CCDC191: variants seen among roughly 807,000 people sequenced by gnomAD.
CCDC191 encodes coiled-coil domain containing 191.
Under a neutral mutation model 114.0 loss-of-function variants are expected in CCDC191, and 99 were observed. That is an observed-to-expected ratio of 0.87 (90% confidence interval 0.74 to 1.03). CCDC191 has a LOEUF of 1.03. CCDC191 is among the 50% of genes least tolerant of loss of function. CCDC191 has a pLI of 0.00. For missense variants in CCDC191, 973 were observed against 1,087.0 expected, an observed-to-expected ratio of 0.90 and a Z score of 1.47; for synonymous variants, 351 against 376.0, an observed-to-expected ratio of 0.93 and a Z score of 0.77.
intron 1 of CCDC191, among the ~76,000 whole-genome samples, chr3:114,054,671 A>G (rs558857543): frequency 4.6e-5 from 7 of 152,088 alleles, no homozygotes; most frequent in African/African-American, 1.4e-4. Flanking sequence ...CAACAACAAC[A>G]AAAACTGGGG....
chr3:114,009,307 T>C (rs1477752354), intron 9 of CCDC191, among the ~76,000 whole-genome samples: 1 of 152,174 alleles, frequency 6.6e-6, no homozygotes, highest in African/African-American at 2.4e-5. Flanking sequence ...TTTTATAAAC[T>C]TTTAAATTAT....
At chr3:113,967,509 T>C (rs1940330671) in intron 16 of CCDC191, among the ~76,000 whole-genome samples, 1 of 152,238 alleles carries the variant, frequency 6.6e-6, no homozygotes, top group African/African-American at 2.4e-5. Context: ...TTTATAATAT[T>C]TTTATTGATA....
chr3:113,991,655 A>C (rs1273228812), intron 13 of CCDC191, among the ~76,000 whole-genome samples: 1 of 152,234 alleles, frequency 6.6e-6, no homozygotes, highest in East Asian at 1.9e-4. Flanking sequence ...CTCATACTGG[A>C]AGTCCTAACT....
Position 114,005,797 on chromosome 3 carries a change from GTT to G in CCDC191, c.1577_1578del (p.Glu526AlafsTer38). 6.2e-7 allele frequency: 1 copy of G among 1,614,072 alleles called. No individual in the cohort carries two copies. On this transcript the variant is annotated frameshift_variant, in exon 10 of 17. Coordinates refer to ENST00000295878, the MANE Select transcript of CCDC191 (RefSeq NM_020817.2). LOFTEE classifies it high-confidence loss of function. ...GNKQHKTLGAEPSQQPGSNET... is the reference protein window; with the variant it reads ...GNKQHKTLGAXPSQQPGSNET... ...TCGTTGCTGCCAGGCTGTTGAGAGG[GTT>G]CAGCACCCAGGGTCTTGTGCTGCTT...
intron 16 of CCDC191, 62 bp downstream of exon 16, chr3:113,978,124 G>A: frequency 6.3e-7 from 1 of 1,577,594 alleles, no homozygotes; most frequent in Non-Finnish European, 8.7e-7. Context: ...TGTAGGAGCA[G>A]AATATATTGC....
intron 9 of CCDC191, among the ~76,000 whole-genome samples, chr3:114,009,764 T>C (rs1455084618): frequency 1.3e-5 from 2 of 152,338 alleles, no homozygotes; most frequent in East Asian, 1.9e-4. Flanking sequence ...TAAAGCATTA[T>C]GGATATGTGC....
chr3:114,009,828 G>A (rs185394033), intron 9 of CCDC191, among the ~76,000 whole-genome samples: 4 of 152,206 alleles, frequency 2.6e-5, no homozygotes, highest in East Asian at 3.9e-4. Flanking sequence ...GCGGCAAACT[G>A]GAAACAACTT....
rs770613794 is a variant in CCDC191, at chr3:114,001,713, C to A, written c.2062-17G>T. The A allele has an allele frequency of 3.0e-5, 48 of 1,612,926 alleles. No homozygotes were observed. Among genetic ancestry groups the A allele is most frequent in the Non-Finnish European group, 3.8e-5 (45 of 1,179,628 alleles). ...TAACTGGGCCTGATTGAGATTAGAA[C>A]CCAGAAATATCAGAACCCTCAATTT... On this transcript the variant is annotated splice_polypyrimidine_tract_variant and intron_variant, in intron 12 of 16. Coordinates refer to ENST00000295878, the MANE Select transcript of CCDC191 (RefSeq NM_020817.2).
intron 16 of CCDC191, among the ~76,000 whole-genome samples, chr3:113,973,381 T>C (rs1326534272): frequency 1.3e-5 from 2 of 152,318 alleles, no homozygotes; most frequent in East Asian, 3.9e-4. Context: ...GGTTTGTTCA[T>C]GTACTTAATT....
At position 114,053,483 on chromosome 3, in the gene CCDC191, C is replaced by T. The variant is rs758868863; in HGVS notation, c.129+114G>A. 69 of 515,466 alleles carry T rather than the reference C, an allele frequency of 1.3e-4. No homozygotes were observed. The Admixed American group carries it at 1.3e-3, about 10-fold the overall frequency. The allele number at this position is 515,466 out of a possible 1,614,324, so 31.9% of individuals were successfully genotyped here. On this transcript the variant is annotated intron_variant, in intron 2 of 16. Transcript: ENST00000295878. ...AATTAAGGCAACTTACATAGTCACA[C>T]GGGAATAAAAATAGCAGAGTATGTG... is the stretch of plus-strand genomic sequence containing the variant.
intron 7 of CCDC191, among the ~76,000 whole-genome samples, chr3:114,021,354 A>G (rs1206606287): frequency 6.6e-6 from 1 of 152,132 alleles, no homozygotes; most frequent in African/African-American, 2.4e-5. Context: ...GAAGCTAACA[A>G]GAGCAAAGTG....
intron 13 of CCDC191, 21 bp downstream of exon 13, chr3:114,001,574 G>T: frequency 1.2e-6 from 2 of 1,613,060 alleles, no homozygotes; most frequent in South Asian, 2.2e-5. Flanking sequence ...TACAGGGACT[G>T]ACCAAATAGA....
At chr3:114,048,497 C>T (rs1371736608) in intron 2 of CCDC191, among the ~76,000 whole-genome samples, 3 of 152,198 alleles carry the variant, frequency 2.0e-5, no homozygotes, top group Admixed American at 2.0e-4. Flanking sequence ...GCCTCACGGA[C>T]CTCCTTGCTT....
chr3:114,049,639 G>A (rs1471769799), intron 2 of CCDC191, among the ~76,000 whole-genome samples: 2 of 152,168 alleles, frequency 1.3e-5, no homozygotes, highest in East Asian at 3.8e-4. Flanking sequence ...AAGAAGGATA[G>A]AGGCTGGTAC....
intron 11 of CCDC191, chr3:114,002,798 AT>A: frequency 1.1e-6 from 1 of 928,008 alleles, no homozygotes; most frequent in South Asian, 5.0e-5. Flanking sequence ...TATTAAAATA[AT>A]TGTTTACTGA....
chr3:114,031,971 A>G, intron 6 of CCDC191, among the ~76,000 whole-genome samples, 192 bp from the exon 7 acceptor site: 1 of 152,168 alleles, frequency 6.6e-6, no homozygotes, highest in East Asian at 1.9e-4. Context: ...TACAGATTAA[A>G]TGAAATAAAA....
chr3:114,018,611 G>C, intron 8 of CCDC191, 67 bp downstream of exon 8: 1 of 1,282,022 alleles, frequency 7.8e-7, no homozygotes, highest in Non-Finnish European at 1.1e-6. Flanking sequence ...AAGTTTATTT[G>C]TGGATTCTTC....
chr3:114,050,660 G>C (rs1003987095), intron 2 of CCDC191, among the ~76,000 whole-genome samples: 8 of 152,194 alleles, frequency 5.3e-5, no homozygotes, highest in Non-Finnish European at 1.0e-4. Context: ...AGGGGAAGGA[G>C]ACTGGCTTGA....
At chr3:113,988,476 A>G (rs1414282655) in intron 13 of CCDC191, among the ~76,000 whole-genome samples, 2 of 151,658 alleles carry the variant, frequency 1.3e-5, no homozygotes, top group East Asian at 3.9e-4. Context: ...AAAATACAAA[A>G]TTAGCCAGGC....
Sources: allele counts gnomAD v4.1 joint callset (sites outside exome capture counted in the v4.1 genomes callset), GRCh38; gene constraint gnomAD v4.1.1; transcripts MANE v1.5; gene names NCBI Gene and HGNC (gene_info 2026-07-23, HGNC 2026-07-21).